Variants in JAKMIP2 observed in about 807,000 individuals in gnomAD.
JAKMIP2 encodes the protein janus kinase and microtubule-interacting protein 2.
A neutral mutation model predicts 115.0 loss-of-function variants in JAKMIP2; 25 were observed. The ratio of observed to expected loss-of-function variants is 0.22; its 90% CI spans 0.16 to 0.30. The LOEUF is 0.30. JAKMIP2 is among the 10% of genes least tolerant of loss of function. The pLI is 1.00. For synonymous variants in JAKMIP2, 334 were observed against 343.6 expected (o/e 0.97, Z 0.31); for missense variants, 642 against 957.6 (o/e 0.67, Z 4.35).
intron 1 of JAKMIP2, among the ~76,000 whole-genome samples, chr5:147,683,424 G>A (rs6874866): frequency 0.21 from 31,876 of 151,866 alleles, 4,676 homozygotes; most frequent in African/African-American, 0.42. Flanking sequence ...CCCGGGAGGC[G>A]GATGCTGCAG....
At chr5:147,715,767 T>C (rs1752954237) in intron 1 of JAKMIP2, among the ~76,000 whole-genome samples, 1 of 151,762 alleles carries the variant, frequency 6.6e-6, no homozygotes, top group Non-Finnish European at 1.5e-5. Flanking sequence ...CCCTGCAAGA[T>C]ATAACATACA....
chr5:147,656,186 A>G (rs561022432), intron 3 of JAKMIP2, among the ~76,000 whole-genome samples: 1 of 152,276 alleles, frequency 6.6e-6, no homozygotes, highest in Non-Finnish European at 1.5e-5. Context: ...TGGAATAGAG[A>G]GTTCTGTTCT....
At chr5:147,745,622 C>T (rs1001074369) in intron 1 of JAKMIP2, among the ~76,000 whole-genome samples, 1 of 152,104 alleles carries the variant, frequency 6.6e-6, no homozygotes, top group African/African-American at 2.4e-5. Context: ...TTATATTTAT[C>T]ACATCTGCCA....
In JAKMIP2 at chr5:147,623,649, T is replaced by C; in HGVS notation, c.2036A>G (p.Gln679Arg). ...GTCACTTTCCAATTCCATCATTTTC[T>C]GGTGTAGGGCAGCCTCAGCTCCTTC... Reference protein sequence around the residue: ...QIEGAEAALHQKMMELESDME... With the variant: ...QIEGAEAALHRKMMELESDME... The change falls in exon 17 of 22, where the codon CAG (glutamine) becomes CGG (arginine). Residue 679 changes from glutamine to arginine, a missense_variant. Gln to Arg is a conservative substitution (Grantham distance 43, BLOSUM62 1). Around this residue, in one of 6 missense-constraint regions of JAKMIP2, gnomAD observed 68 missense variants for 104.6 expected, o/e 0.65. Coordinates refer to ENST00000616793, the MANE Select transcript of JAKMIP2 (RefSeq NM_001270941.2). The C allele has an allele frequency of 6.2e-7, 1 of 1,611,862 alleles. No individual in the cohort carries two copies. Among genetic ancestry groups the C allele is most frequent in the Non-Finnish European group, 8.5e-7 (1 of 1,177,922 alleles).
chr5:147,767,944 G>C (rs1461723843), intron 1 of JAKMIP2, among the ~76,000 whole-genome samples: 1 of 152,010 alleles, frequency 6.6e-6, no homozygotes, highest in Non-Finnish European at 1.5e-5. Context: ...GTGTTGTTTT[G>C]TTTGCTTTAT....
At chr5:147,678,326 T>C (rs1403944074) in intron 1 of JAKMIP2, among the ~76,000 whole-genome samples, 3 of 152,116 alleles carry the variant, frequency 2.0e-5, no homozygotes, top group East Asian at 3.9e-4. Context: ...TTAATCACCA[T>C]TCCACTCTCT....
chr5:147,760,340 C>T (rs1183338196), intron 1 of JAKMIP2, among the ~76,000 whole-genome samples: 1 of 150,454 alleles, frequency 6.6e-6, no homozygotes, highest in African/African-American at 2.5e-5. Context: ...AAGCACTGAG[C>T]CTTGGTAAAC....
chr5:147,777,774 G>T (rs1043469228), intron 1 of JAKMIP2, among the ~76,000 whole-genome samples: 1 of 152,012 alleles, frequency 6.6e-6, no homozygotes, highest in South Asian at 2.1e-4. Context: ...CAGTTCAGAC[G>T]CCATGATTTT....
intron 1 of JAKMIP2, among the ~76,000 whole-genome samples, chr5:147,713,512 T>C (rs999666696): frequency 1.3e-5 from 2 of 152,202 alleles, no homozygotes; most frequent in African/African-American, 4.8e-5. Context: ...TAAGTACATA[T>C]GAAATTCTAC....
chr5:147,719,977 C>T (rs1032719061), intron 1 of JAKMIP2, among the ~76,000 whole-genome samples: 17 of 151,906 alleles, frequency 1.1e-4, no homozygotes, highest in African/African-American at 3.1e-4. Context: ...GATTTTGCAG[C>T]GGCTGGTACC....
At chr5:147,649,351 C>G (rs1348637629) in intron 4 of JAKMIP2, among the ~76,000 whole-genome samples, 1 of 152,036 alleles carries the variant, frequency 6.6e-6, no homozygotes, top group African/African-American at 2.4e-5. Flanking sequence ...TGCTATGTGC[C>G]AGACACCATG....
chr5:147,642,610 T>C (rs1375101899), intron 7 of JAKMIP2, among the ~76,000 whole-genome samples: 1 of 151,494 alleles, frequency 6.6e-6, no homozygotes, highest in Non-Finnish European at 1.5e-5. Context: ...GAAAATGAAA[T>C]GAGGAAAACA....
chr5:147,755,923 G>A (rs1754727815), intron 1 of JAKMIP2, among the ~76,000 whole-genome samples: 1 of 152,080 alleles, frequency 6.6e-6, no homozygotes, highest in African/African-American at 2.4e-5. Context: ...ACCCTTTGAA[G>A]AGCCACAATG....
At chr5:147,733,870 G>C (rs937227621) in intron 1 of JAKMIP2, among the ~76,000 whole-genome samples, 2 of 152,088 alleles carry the variant, frequency 1.3e-5, no homozygotes, top group East Asian at 3.9e-4. Context: ...ATCATTGATG[G>C]GCACTTGGGT....
intron 1 of JAKMIP2, among the ~76,000 whole-genome samples, chr5:147,707,683 G>A (rs1202201719): frequency 6.6e-6 from 1 of 152,136 alleles, no homozygotes; most frequent in Non-Finnish European, 1.5e-5. Context: ...TTTCCATCAT[G>A]CACCACCCTT....
intron 12 of JAKMIP2, among the ~76,000 whole-genome samples, chr5:147,635,504 C>T (rs1757571971): frequency 6.6e-6 from 1 of 152,072 alleles, no homozygotes; most frequent in South Asian, 2.1e-4. Flanking sequence ...TGGAGTCATA[C>T]TCTGTCACTT....
At chr5:147,733,040 A>T (rs889636261) in intron 1 of JAKMIP2, among the ~76,000 whole-genome samples, 21 of 152,154 alleles carry the variant, frequency 1.4e-4, no homozygotes, top group African/African-American at 5.1e-4. Context: ...TAATTAACTC[A>T]TGGTTTAGGT....
intron 1 of JAKMIP2, among the ~76,000 whole-genome samples, chr5:147,760,465 A>G (rs1402594932): frequency 2.0e-5 from 3 of 152,036 alleles, no homozygotes; most frequent in Non-Finnish European, 2.9e-5. Flanking sequence ...AAAGCCATTA[A>G]TAAGAAAAGT....
chr5:147,621,412 C>A (rs1756841542), intron 17 of JAKMIP2, among the ~76,000 whole-genome samples: 1 of 152,210 alleles, frequency 6.6e-6, no homozygotes, highest in Middle Eastern at 3.2e-3. Context: ...GGGTGTTTAA[C>A]TGAAGGAACA....
Sources: allele counts gnomAD v4.1 joint callset (sites outside exome capture counted in the v4.1 genomes callset), GRCh38; gene constraint gnomAD v4.1.1; regional missense constraint gnomAD v4.1.1; transcripts MANE v1.5; gene names NCBI Gene and HGNC (gene_info 2026-07-23, HGNC 2026-07-21).